The following BCAS3 variants were observed in gnomAD, a reference collection of about 807,000 sequenced individuals.
BCAS3 encodes BCAS3 microtubule associated cell migration factor, also known as BCAS4/BCAS3 fusion.
Under a neutral mutation model 116.1 loss-of-function variants are expected in BCAS3, and 53 were observed. That is an observed-to-expected ratio of 0.46 (90% confidence interval 0.37 to 0.57). The LOEUF (loss-of-function observed/expected upper bound fraction) is 0.57, where lower values mean the gene tolerates loss of function less well. BCAS3 is among the 20% of genes least tolerant of loss of function. BCAS3 has a pLI of 0.00. For synonymous variants in BCAS3, 391 were observed against 408.2 expected (o/e 0.96, Z 0.51); for missense variants, 917 against 1,165.4 (o/e 0.79, Z 3.10).
chr17:60,692,303 G>T (rs1335764364), intron 4 of BCAS3, among the ~76,000 whole-genome samples: 1 of 151,996 alleles, frequency 6.6e-6, no homozygotes, highest in African/African-American at 2.4e-5. Context: ...GCACCCAGGC[G>T]CGATCTCAGC....
intron 7 of BCAS3, among the ~76,000 whole-genome samples, chr17:60,826,214 C>T (rs575643733): frequency 3.3e-5 from 5 of 151,974 alleles, no homozygotes; most frequent in East Asian, 1.9e-4. Context: ...GACAGAGTGT[C>T]GCTCTGTTGC....
At chr17:61,291,378 A>T (rs1319724729) in intron 22 of BCAS3, among the ~76,000 whole-genome samples, 1 of 152,196 alleles carries the variant, frequency 6.6e-6, no homozygotes, top group Non-Finnish European at 1.5e-5. Flanking sequence ...AGAGGAATTG[A>T]GCTTGCTTTC....
At chr17:61,270,104 C>A (rs2050111534) in intron 22 of BCAS3, among the ~76,000 whole-genome samples, 1 of 146,620 alleles carries the variant, frequency 6.8e-6, no homozygotes, top group Admixed American at 6.8e-5. Flanking sequence ...CAGGCATGGC[C>A]TTCTGCCATT....
intron 15 of BCAS3, among the ~76,000 whole-genome samples, chr17:60,996,843 G>C (rs2063870191): frequency 6.6e-6 from 1 of 152,162 alleles, no homozygotes; most frequent in South Asian, 2.1e-4. Context: ...TAGAGGCCAA[G>C]TGAATTAATT....
intron 22 of BCAS3, among the ~76,000 whole-genome samples, chr17:61,269,728 A>T (rs2050071620): frequency 6.6e-6 from 1 of 151,574 alleles, no homozygotes; most frequent in South Asian, 2.1e-4. Context: ...GCAACTTTTC[A>T]TACAACTTGT....
At chr17:61,264,152 A>C (rs2049467160) in intron 22 of BCAS3, among the ~76,000 whole-genome samples, 1 of 152,012 alleles carries the variant, frequency 6.6e-6, no homozygotes, top group Non-Finnish European at 1.5e-5. Flanking sequence ...AATTATATAG[A>C]TATAATTCTT....
intron 22 of BCAS3, among the ~76,000 whole-genome samples, chr17:61,238,646 T>A (rs2083254812): frequency 6.6e-6 from 1 of 152,158 alleles, no homozygotes; most frequent in African/African-American, 2.4e-5. Flanking sequence ...ATGGCCTTGC[T>A]TTTTCTGAGC....
Position 61,021,571 on chromosome 17 carries a change from A to C in BCAS3, c.1637+5670A>C, listed in dbSNP as rs774338226. On this transcript the variant is annotated intron_variant, in intron 16 of 23. Transcript: ENST00000407086. This position sits in a 1 kb window ranked among gnomAD's most constrained non-coding sequence, Gnocchi z 4.6. ...AAAAAAGTTTATATATATGGATTAT[A>C]ATCTTTTAATCCTTATCATGTATGA... Among the ~76,000 whole-genome samples, 1 of 152,196 alleles carries C rather than the reference A, an allele frequency of 6.6e-6. No homozygotes were observed. Among genetic ancestry groups the C allele is most frequent in the Non-Finnish European group, 1.5e-5 (1 of 68,036 alleles).
intron 5 of BCAS3, among the ~76,000 whole-genome samples, chr17:60,731,533 G>T (rs181258450): frequency 2.0e-4 from 30 of 152,192 alleles, no homozygotes; most frequent in African/African-American, 6.7e-4. Flanking sequence ...GTTACGTGAG[G>T]TGTTTTTGTT....
chr17:61,122,780 G>A lies in BCAS3; in HGVS notation c.2425+38216G>A, dbSNP rs1034861057. Among the ~76,000 whole-genome samples, 25 of 152,086 alleles carry A rather than the reference G, an allele frequency of 1.6e-4. No homozygotes were observed. The highest frequency in any genetic ancestry group is 1.6e-3 in the Admixed American group (24 of 15,278). ...AAATTCAAGAATATGTATATATGAT[G>A]TTCATATATTTAGCATCTGTTGTCA... On this transcript the variant is annotated intron_variant, in intron 22 of 23. Coordinates refer to ENST00000407086, the MANE Select transcript of BCAS3 (RefSeq NM_017679.5). This position sits in a 1 kb window ranked among gnomAD's most constrained non-coding sequence, Gnocchi z 4.6.
At chr17:60,829,007 C>T (rs2050677587) in intron 7 of BCAS3, among the ~76,000 whole-genome samples, 2 of 151,862 alleles carry the variant, frequency 1.3e-5, no homozygotes, top group South Asian at 4.2e-4. Flanking sequence ...GCAGATCAGC[C>T]CTTAACAGCA....
intron 22 of BCAS3, among the ~76,000 whole-genome samples, chr17:61,225,417 C>T (rs2082322509): frequency 6.6e-6 from 1 of 152,132 alleles, no homozygotes. Flanking sequence ...TTGTACACTT[C>T]CCCTCCAAAG....
At chr17:60,771,237 A>T (rs369512420) in intron 6 of BCAS3, among the ~76,000 whole-genome samples, 1 of 149,918 alleles carries the variant, frequency 6.7e-6, no homozygotes, top group Non-Finnish European at 1.5e-5. Flanking sequence ...CTTCGTTTCT[A>T]TTTTTTTTTC....
At chr17:61,050,264 T>G (rs2068737156) in intron 19 of BCAS3, among the ~76,000 whole-genome samples, 1 of 151,966 alleles carries the variant, frequency 6.6e-6, no homozygotes, top group African/African-American at 2.4e-5. Context: ...AAAACGTAGG[T>G]AAATGGATGA....
intron 10 of BCAS3, among the ~76,000 whole-genome samples, chr17:60,893,632 A>G (rs1407843982): frequency 7.9e-6 from 1 of 127,018 alleles, no homozygotes; most frequent in African/African-American, 3.2e-5. Flanking sequence ...TTTGCACGAC[A>G]GAGTGTAGCT....
At chr17:61,096,814 G>A (rs1357237613) in intron 22 of BCAS3, among the ~76,000 whole-genome samples, 1 of 152,134 alleles carries the variant, frequency 6.6e-6, no homozygotes, top group Non-Finnish European at 1.5e-5. Flanking sequence ...TCACTATGAA[G>A]TATAATGACA....
chr17:60,703,359 C>CG (rs571965382), intron 4 of BCAS3, among the ~76,000 whole-genome samples: 143 of 151,472 alleles, frequency 9.4e-4, no homozygotes, highest in South Asian at 1.5e-3. Context: ...GAGACTGAGG[C>CG]GGGCAGATCA....
At chr17:60,889,340 C>T (rs776150384) in intron 9 of BCAS3, among the ~76,000 whole-genome samples, 11 of 152,140 alleles carry the variant, frequency 7.2e-5, no homozygotes, top group Non-Finnish European at 1.5e-4. Flanking sequence ...TTTCTCTCTC[C>T]TCTCCCAAAA....
rs1472582358 is a variant in BCAS3, at chr17:61,243,353, A to G, written c.2426-124974A>G. ...ATATTCCATTGTGTCTATATACTAT[A>G]TTTTCTTTATCCATTCATTCATGGA... On this transcript the variant is annotated intron_variant, in intron 22 of 23. Coordinates refer to ENST00000407086, the MANE Select transcript of BCAS3 (RefSeq NM_017679.5). The surrounding 1 kb of genome is among the most constrained non-coding windows in gnomAD (Gnocchi z 5.6). Among the ~76,000 whole-genome samples the G allele has an allele frequency of 1.3e-5, 2 of 152,074 alleles. 1 individual carries two copies.
Sources: allele counts gnomAD v4.1 joint callset (sites outside exome capture counted in the v4.1 genomes callset), GRCh38; gene constraint gnomAD v4.1.1; non-coding constraint Gnocchi (gnomAD v3.1); transcripts MANE v1.5; gene names NCBI Gene and HGNC (gene_info 2026-07-23, HGNC 2026-07-21).